SNTG1: variants seen among roughly 807,000 people sequenced by gnomAD.
SNTG1 encodes the protein gamma-1-syntrophin.
Under a neutral mutation model 74.7 loss-of-function variants are expected in SNTG1, and 39 were observed. The ratio of observed to expected loss-of-function variants is 0.52; its 90% CI spans 0.40 to 0.68. The LOEUF (loss-of-function observed/expected upper bound fraction) is 0.68. Among genes scored for constraint, SNTG1 ranks in the 30% least tolerant of loss-of-function variants. The pLI is 0.00. For synonymous variants in SNTG1, 254 were observed against 217.1 expected (o/e 1.17, Z -1.49); for missense variants, 685 against 609.5 (o/e 1.12, Z -1.30).
chr8:50,709,320 G>A (rs1462731915), intron 17 of SNTG1: 3 of 320,690 alleles, frequency 9.4e-6, no homozygotes, highest in African/African-American at 6.4e-5. Flanking sequence ...TAAAAAACAT[G>A]TTTCTTTATA....
At chr8:50,244,820 C>A (rs924672514) in intron 2 of SNTG1, among the ~76,000 whole-genome samples, 1 of 152,002 alleles carries the variant, frequency 6.6e-6, no homozygotes, top group Non-Finnish European at 1.5e-5. Flanking sequence ...ATATGCTTGG[C>A]GATCACAGAA....
chr8:50,420,066 T>G (rs1053107265), intron 4 of SNTG1, among the ~76,000 whole-genome samples: 1 of 152,098 alleles, frequency 6.6e-6, no homozygotes, highest in African/African-American at 2.4e-5. Flanking sequence ...AACATGTATT[T>G]GAGCAGAGTC....
chr8:50,769,550 T>G (rs992411111), intron 18 of SNTG1, among the ~76,000 whole-genome samples: 21 of 151,954 alleles, frequency 1.4e-4, no homozygotes, highest in African/African-American at 4.8e-4. Flanking sequence ...AATAATAAAC[T>G]GCATTTCAAC....
At chr8:50,171,262 A>G (rs1357294661) in intron 1 of SNTG1, among the ~76,000 whole-genome samples, 1 of 152,140 alleles carries the variant, frequency 6.6e-6, no homozygotes, top group Non-Finnish European at 1.5e-5. Flanking sequence ...ATGGGAGTTT[A>G]TTAAGTATTA....
intron 9 of SNTG1, among the ~76,000 whole-genome samples, chr8:50,503,397 T>G (rs764962870): frequency 2.6e-5 from 4 of 152,310 alleles, no homozygotes; most frequent in Middle Eastern, 6.8e-3. Context: ...GCTGAAAAAT[T>G]GAAGAATAAT....
chr8:50,518,263 A>G lies in SNTG1; in HGVS notation c.467-11914A>G, dbSNP rs187050683. Reference sequence around the variant, plus strand: ...AATAAGTTCTTTGAAACCAATGAGAACAAAGACACAATGTACCAGAATGTC... The same window carrying G: ...AATAAGTTCTTTGAAACCAATGAGAGCAAAGACACAATGTACCAGAATGTC... On this transcript the variant is annotated intron_variant, in intron 9 of 18. Coordinates refer to ENST00000642720, the MANE Select transcript of SNTG1 (RefSeq NM_018967.5). 2.0e-5 allele frequency among the ~76,000 whole-genome samples: 3 copies of G among 152,346 alleles called. No individual in the cohort carries two copies. In the East Asian group the frequency reaches 5.8e-4, roughly 29 times the overall value.
At chr8:50,036,958 C>G (rs536746565) in intron 1 of SNTG1, among the ~76,000 whole-genome samples, 1 of 152,206 alleles carries the variant, frequency 6.6e-6, no homozygotes, top group African/African-American at 2.4e-5. Context: ...AATCTGCAAT[C>G]TCTGGAAGTG....
At chr8:50,221,116 T>C (rs369701870) in intron 2 of SNTG1, among the ~76,000 whole-genome samples, 2 of 152,176 alleles carry the variant, frequency 1.3e-5, no homozygotes, top group South Asian at 4.1e-4. Context: ...AAAACTCCTA[T>C]ATATTTGGAA....
intron 2 of SNTG1, among the ~76,000 whole-genome samples, chr8:50,219,574 T>A (rs1243031926): frequency 6.6e-6 from 1 of 151,840 alleles, no homozygotes; most frequent in Non-Finnish European, 1.5e-5. Flanking sequence ...ATATGGGAAG[T>A]CAAAGGGGAA....
intron 1 of SNTG1, among the ~76,000 whole-genome samples, chr8:50,016,260 G>C (rs546087439): frequency 4.3e-4 from 65 of 152,198 alleles, no homozygotes; most frequent in African/African-American, 1.5e-3. Flanking sequence ...GTCACAATCT[G>C]ATAGAGAAAT....
At position 50,336,862 on chromosome 8, in the gene SNTG1, G is replaced by T. The variant is rs570172799; in HGVS notation, c.-27-57350G>T. ...CCATAAAATCATGGCCTAAGGAGTA[G>T]TAGAGATGACTTTGAACCCATAGAT... On this transcript the variant is annotated intron_variant, in intron 2 of 18. Coordinates refer to ENST00000642720, the MANE Select transcript of SNTG1 (RefSeq NM_018967.5). Among the ~76,000 whole-genome samples, 6 of 152,288 alleles carry T rather than the reference G, an allele frequency of 3.9e-5. No homozygotes were observed. In the South Asian group the frequency reaches 1.2e-3, roughly 32 times the overall value.
chr8:49,917,445 A>T (rs982253580), intron 1 of SNTG1, among the ~76,000 whole-genome samples: 2 of 152,176 alleles, frequency 1.3e-5, no homozygotes, highest in African/African-American at 4.8e-5. Flanking sequence ...TAATGACAAA[A>T]ACTTGGGCAA....
Position 50,019,956 on chromosome 8 carries a change from C to T in SNTG1, c.-103+107725C>T, listed in dbSNP as rs1816671865. ...AGGCTGTGAAAATATTGTAATCTTTCCAAAGTTATTAAGACACTAAAACAG... is the reference window on the plus strand; with the variant it reads ...AGGCTGTGAAAATATTGTAATCTTTTCAAAGTTATTAAGACACTAAAACAG... On this transcript the variant is annotated intron_variant, in intron 1 of 18. Coordinates refer to ENST00000642720, the MANE Select transcript of SNTG1 (RefSeq NM_018967.5). Among the ~76,000 whole-genome samples the T allele has an allele frequency of 2.0e-5, 3 of 152,146 alleles. No individual in the cohort carries two copies. In the South Asian group the frequency reaches 6.2e-4, roughly 32 times the overall value.
intron 2 of SNTG1, among the ~76,000 whole-genome samples, chr8:50,376,354 T>G (rs1363014889): frequency 6.6e-6 from 1 of 152,186 alleles, no homozygotes; most frequent in East Asian, 1.9e-4. Flanking sequence ...GTAAAATATT[T>G]TCATATCATC....
chr8:50,549,699 T>G (rs1259911273), intron 11 of SNTG1, among the ~76,000 whole-genome samples: 1 of 152,132 alleles, frequency 6.6e-6, no homozygotes, highest in Non-Finnish European at 1.5e-5. Context: ...CCACACACAA[T>G]GTGCCAGACA....
At chr8:49,926,951 C>A (rs1000868057) in intron 1 of SNTG1, among the ~76,000 whole-genome samples, 8 of 152,018 alleles carry the variant, frequency 5.3e-5, no homozygotes, top group Admixed American at 5.2e-4. Flanking sequence ...AACATCTCAC[C>A]AAAGAAGACA....
intron 15 of SNTG1, among the ~76,000 whole-genome samples, chr8:50,699,638 C>G (rs138426344): frequency 6.6e-6 from 1 of 152,150 alleles, no homozygotes; most frequent in East Asian, 1.9e-4. Context: ...CTGATGAGTT[C>G]TTGATATGTT....
At chr8:50,104,225 G>A (rs1014316911) in intron 1 of SNTG1, among the ~76,000 whole-genome samples, 4 of 152,086 alleles carry the variant, frequency 2.6e-5, no homozygotes, top group Non-Finnish European at 4.4e-5. Context: ...GTTGATTATT[G>A]CCACAATTTC....
chr8:50,367,353 T>A (rs955281587), intron 2 of SNTG1, among the ~76,000 whole-genome samples: 6 of 152,082 alleles, frequency 3.9e-5, no homozygotes, highest in Non-Finnish European at 1.5e-5. Flanking sequence ...TTCATTAAAT[T>A]CCCACAGTAA....
Sources: gnomAD v4.1 joint callset for allele counts (sites outside exome capture counted in the v4.1 genomes callset) on GRCh38, gnomAD v4.1.1 for gene constraint, MANE v1.5 for transcripts, NCBI Gene and HGNC (gene_info 2026-07-23, HGNC 2026-07-21) for gene names.